ROBO2: variants seen among roughly 807,000 people sequenced by gnomAD.
ROBO2 encodes roundabout homolog 2.
In ROBO2, 53 loss-of-function variants were observed where a neutral mutation model predicts 160.8. The ratio of observed to expected loss-of-function variants is 0.33; its 90% CI spans 0.26 to 0.41. The LOEUF (loss-of-function observed/expected upper bound fraction) is 0.41. Ranked by LOEUF, ROBO2 falls within the 10% of genes least tolerant of loss-of-function variation. The pLI is 1.00. For synonymous variants in ROBO2, 664 were observed against 611.7 expected, an observed-to-expected ratio of 1.09 and a Z score of -1.26; for missense variants, 1,577 against 1,722.4, an observed-to-expected ratio of 0.92 and a Z score of 1.49.
At chr3:76,956,464 G>A (rs2079267262) in intron 2 of ROBO2, among the ~76,000 whole-genome samples, 1 of 151,808 alleles carries the variant, frequency 6.6e-6, no homozygotes. Flanking sequence ...GGCTGAGGCA[G>A]GAGAATGGCG....
chr3:77,281,935 G>C (rs1175004528), intron 2 of ROBO2, among the ~76,000 whole-genome samples: 3 of 152,144 alleles, frequency 2.0e-5, no homozygotes, highest in Non-Finnish European at 2.9e-5. Context: ...GGTAATGCTC[G>C]CTCCCTCCTG....
intron 23 of ROBO2, among the ~76,000 whole-genome samples, chr3:77,628,630 T>C (rs2095088099): frequency 6.6e-6 from 1 of 152,198 alleles, no homozygotes; most frequent in African/African-American, 2.4e-5. Context: ...TGTGGCCAAA[T>C]GTCTTTTAAA....
intron 2 of ROBO2, among the ~76,000 whole-genome samples, chr3:76,240,971 A>T (rs147515791): frequency 0.039 from 5,908 of 152,308 alleles, 338 homozygotes; most frequent in African/African-American, 0.12. Context: ...TACAATAAAA[A>T]TATAGTCCTA....
intron 20 of ROBO2, among the ~76,000 whole-genome samples, chr3:77,605,061 G>C (rs972381688): frequency 6.6e-6 from 1 of 151,388 alleles, no homozygotes; most frequent in Non-Finnish European, 1.5e-5. Flanking sequence ...AGCTACTTGA[G>C]AGTCTGGGGT....
intron 2 of ROBO2, among the ~76,000 whole-genome samples, chr3:77,317,976 C>T (rs894003512): frequency 9.2e-5 from 14 of 151,576 alleles, no homozygotes; most frequent in Non-Finnish European, 1.5e-4. Context: ...TAAGGCTCCA[C>T]ATTGCGAAGA....
chr3:76,026,052 T>G (rs1318555005), intron 2 of ROBO2, among the ~76,000 whole-genome samples: 1 of 151,892 alleles, frequency 6.6e-6, no homozygotes, highest in African/African-American at 2.4e-5. Context: ...GAGTTTTTGG[T>G]TTTTAAATTG....
At chr3:76,408,276 G>T (rs886161674) in intron 2 of ROBO2, among the ~76,000 whole-genome samples, 1 of 152,042 alleles carries the variant, frequency 6.6e-6, no homozygotes, top group Non-Finnish European at 1.5e-5. Flanking sequence ...GGCTCAGTTG[G>T]CATGGGTAAC....
intron 2 of ROBO2, among the ~76,000 whole-genome samples, chr3:77,245,630 T>TCC (rs1367246815): frequency 6.6e-6 from 1 of 152,224 alleles, no homozygotes; most frequent in Non-Finnish European, 1.5e-5. Context: ...GCTGTGTGGA[T>TCC]ACAAGGGAGA....
chr3:77,302,765 T>C (rs2062769637), intron 2 of ROBO2, among the ~76,000 whole-genome samples: 1 of 152,166 alleles, frequency 6.6e-6, no homozygotes, highest in Non-Finnish European at 1.5e-5. Flanking sequence ...AGCTGAAATA[T>C]AGACTTGGAA....
chr3:75,955,317 T>C (rs1948683595), intron 2 of ROBO2, among the ~76,000 whole-genome samples: 1 of 151,844 alleles, frequency 6.6e-6, no homozygotes, highest in African/African-American at 2.4e-5. Flanking sequence ...AGAATTCATT[T>C]TGAAATAGAA....
At chr3:77,271,947 G>A (rs940130546) in intron 2 of ROBO2, among the ~76,000 whole-genome samples, 1 of 152,146 alleles carries the variant, frequency 6.6e-6, no homozygotes, top group African/African-American at 2.4e-5. Context: ...GAATTTCTTT[G>A]CCTGCTGCAT....
rs192069761 is a variant in ROBO2, at chr3:76,558,457, A to G, written c.110-539557A>G. On this transcript the variant is annotated intron_variant, in intron 2 of 26. Transcript: ENST00000487694. ...GCAATCCCAGTTTTGAATATTTTAT[A>G]TGGCATAAAGCATGCTGAACTATTA... is the stretch of plus-strand genomic sequence containing the variant. Among the ~76,000 whole-genome samples the G allele has an allele frequency of 4.9e-3, 753 of 152,258 alleles. 4 individuals are homozygous for G. The highest frequency in any genetic ancestry group is 0.02 in the Middle Eastern group (6 of 294).
chr3:76,549,628 T>G (rs1381451033), intron 2 of ROBO2, among the ~76,000 whole-genome samples: 2 of 152,242 alleles, frequency 1.3e-5, no homozygotes, highest in East Asian at 3.8e-4. Context: ...TTTATCCTGT[T>G]TCCTGTTCAT....
intron 2 of ROBO2, among the ~76,000 whole-genome samples, chr3:76,646,073 A>G (rs559445595): frequency 6.6e-6 from 1 of 152,226 alleles, no homozygotes; most frequent in South Asian, 2.1e-4. Flanking sequence ...TCCTCAGGTA[A>G]TTGAGATTCT....
chr3:76,710,309 C>T (rs1356089549), intron 2 of ROBO2, among the ~76,000 whole-genome samples: 3 of 152,000 alleles, frequency 2.0e-5, no homozygotes, highest in South Asian at 2.1e-4. Flanking sequence ...TTAGCAGACA[C>T]GGGGTTTCAC....
At chr3:76,982,897 T>C (rs1345760136) in intron 2 of ROBO2, among the ~76,000 whole-genome samples, 3 of 152,218 alleles carry the variant, frequency 2.0e-5, no homozygotes, top group Non-Finnish European at 4.4e-5. Flanking sequence ...TTTATGTGAA[T>C]TAATAATTCA....
chr3:76,149,932 G>A (rs2072096553), intron 2 of ROBO2, among the ~76,000 whole-genome samples: 1 of 112,830 alleles, frequency 8.9e-6, no homozygotes, highest in Non-Finnish European at 2.3e-5. Context: ...GCACACATCT[G>A]TCTAAAACAC....
At chr3:76,278,788 A>C (rs908412066) in intron 2 of ROBO2, among the ~76,000 whole-genome samples, 1 of 151,890 alleles carries the variant, frequency 6.6e-6, no homozygotes, top group African/African-American at 2.4e-5. Flanking sequence ...ATGGGGTTTG[A>C]AAATTGGGAG....
At chr3:77,410,617 T>TCCTCCTCCTCCTC (rs2076668365) in intron 2 of ROBO2, among the ~76,000 whole-genome samples, 2 of 18,184 alleles carry the variant, frequency 1.1e-4, no homozygotes, top group East Asian at 2.3e-3. Flanking sequence ...TCTTCCTCCT[T>TCCTCCTCCTCCTC]CTTCTCCTCC....
Sources: allele counts gnomAD v4.1 joint callset (sites outside exome capture counted in the v4.1 genomes callset), GRCh38; gene constraint gnomAD v4.1.1; transcripts MANE v1.5; gene names NCBI Gene and HGNC (gene_info 2026-07-23, HGNC 2026-07-21).